The following ITGA6 variants were observed in gnomAD, a reference collection of about 807,000 sequenced individuals.
ITGA6 encodes the protein integrin subunit alpha 6, also known as integrin alpha-6.
In ITGA6, 63 loss-of-function variants were observed where a neutral mutation model predicts 133.6. The observed-to-expected ratio is 0.47, with a 90% CI of 0.38 to 0.58. ITGA6 has a LOEUF of 0.58. Ranked by LOEUF, ITGA6 falls within the 20% of genes least tolerant of loss-of-function variation. ITGA6 has a pLI of 0.00. For synonymous variants in ITGA6, 434 were observed against 482.0 expected, an observed-to-expected ratio of 0.90 and a Z score of 1.30; for missense variants, 1,068 against 1,309.4, an observed-to-expected ratio of 0.82 and a Z score of 2.85.
chr2:172,471,861 T>TA (rs1394846451), intron 5 of ITGA6, among the ~76,000 whole-genome samples: 12 of 127,130 alleles, frequency 9.4e-5, no homozygotes, highest in South Asian at 7.5e-4. Context: ...GGAAAAAATG[T>TA]AAAAAAAAGT....
At chr2:172,445,683 A>G (rs1478339625) in intron 1 of ITGA6, among the ~76,000 whole-genome samples, 1 of 150,480 alleles carries the variant, frequency 6.6e-6, no homozygotes, top group Non-Finnish European at 1.5e-5. Context: ...AAAAAGCCTG[A>G]AAGACCTCTT....
chr2:172,466,823 C>T (rs1685696371), intron 2 of ITGA6, among the ~76,000 whole-genome samples: 1 of 152,120 alleles, frequency 6.6e-6, no homozygotes, highest in Non-Finnish European at 1.5e-5. Flanking sequence ...AAACCTGTGT[C>T]TGTATTGCTA....
intron 1 of ITGA6, among the ~76,000 whole-genome samples, chr2:172,441,563 A>AT: frequency 2.0e-5 from 1 of 50,512 alleles, no homozygotes; most frequent in Non-Finnish European, 3.2e-5. Context: ...TCTCTTTAAA[A>AT]AAAAAAAAAA....
Position 172,474,355 on chromosome 2 carries a change from C to T in ITGA6, c.986+90C>T, listed in dbSNP as rs543076376. 12 of 1,139,674 alleles carry T rather than the reference C, an allele frequency of 1.1e-5. No individual in the cohort carries two copies. The African/African-American group carries it at 1.2e-4, about 12-fold the overall frequency. 70.6% of individuals were successfully genotyped at this position (1,139,674 alleles called of 1,614,324 possible). On this transcript the variant is annotated intron_variant, in intron 6 of 25. Transcript: ENST00000684293. ...TGGAGAAGAGCCGTCCTTTCAGGTT[C>T]ATTGACGTAAAGAATATTTTTATTG...
At chr2:172,494,018 GA>G (rs1211942373) in intron 23 of ITGA6, among the ~76,000 whole-genome samples, 1 of 152,132 alleles carries the variant, frequency 6.6e-6, no homozygotes, top group Non-Finnish European at 1.5e-5. Flanking sequence ...CATGTCTTTT[GA>G]AAATTGAGAC....
At position 172,506,265 on chromosome 2, in the gene ITGA6, C is replaced by CTATT. The variant is rs1231730676; in HGVS notation, c.*2199_*2202dup. ...AATTATAAATGACAACCTGAATTAT[C>CTATT]TATTTCATCAAACCAAAGTTCAGTG... On this transcript the variant is annotated 3_prime_UTR_variant, in exon 26 of 26. Coordinates refer to ENST00000684293, the MANE Select transcript of ITGA6 (RefSeq NM_000210.4). 2 of 152,616 alleles carry CTATT rather than the reference C, an allele frequency of 1.3e-5. No homozygotes were observed. The highest frequency in any genetic ancestry group is 1.9e-4 in the East Asian group (1 of 5,204). 9.5% of individuals were successfully genotyped at this position (152,616 alleles called of 1,614,324 possible). A position where few individuals can be genotyped will look rare whatever the true frequency, so the allele number is the denominator to read the frequency against.
rs1180990647 is a variant in ITGA6, at chr2:172,471,094, A to T, written c.764A>T (p.Asn255Ile). ...HDESLVPVPA[N>I]SYLGFSLDSG... ...GAAAGTCTCGTTCCTGTTCCTGCTA[A>T]CAGTTACTTAGGTAGGAGCAGGCAC... Residue 255 changes from asparagine to isoleucine, a missense_variant, in exon 5 of 26, where the codon AAC becomes ATC. This residue lies in a region of ITGA6 where 317 missense variants were observed against 456.9 expected (regional missense o/e 0.69). Coordinates refer to ENST00000684293, the MANE Select transcript of ITGA6 (RefSeq NM_000210.4). 1 of 1,614,214 alleles carries T rather than the reference A, an allele frequency of 6.2e-7. No homozygotes were observed. The highest frequency in any genetic ancestry group is 1.1e-5 in the South Asian group (1 of 91,086).
chr2:172,470,933 A>G lies in ITGA6; in HGVS notation c.644-41A>G, dbSNP rs1329212381. The G allele has an allele frequency of 1.2e-5, 20 of 1,605,582 alleles. No individual in the cohort carries two copies. In the African/African-American group the frequency reaches 1.7e-4, roughly 14 times the overall value. ...GGAACCATTTATTTTCTTTTGTTTC[A>G]TCTTCATTTTTTTGTTGTTTTTACC... On this transcript the variant is annotated intron_variant, in intron 4 of 25. Coordinates refer to ENST00000684293, the MANE Select transcript of ITGA6 (RefSeq NM_000210.4).
chr2:172,455,370 G>A (rs531094603), intron 1 of ITGA6, among the ~76,000 whole-genome samples: 17 of 152,254 alleles, frequency 1.1e-4, no homozygotes, highest in Non-Finnish European at 2.2e-4. Flanking sequence ...GGCCTGCCAC[G>A]TGCCAGACCT....
intron 1 of ITGA6, among the ~76,000 whole-genome samples, chr2:172,429,233 G>A (rs542698960): frequency 3.3e-5 from 5 of 152,064 alleles, no homozygotes; most frequent in Non-Finnish European, 7.4e-5. Flanking sequence ...GCTGGGGGTG[G>A]GGAGGCTCTA....
chr2:172,439,343 A>C (rs115211921), intron 1 of ITGA6, among the ~76,000 whole-genome samples: 1 of 151,904 alleles, frequency 6.6e-6, no homozygotes, highest in East Asian at 1.9e-4. Context: ...ATGAGGCTCA[A>C]TCAGCACTTT....
intron 1 of ITGA6, among the ~76,000 whole-genome samples, chr2:172,432,629 C>T (rs972040570): frequency 1.3e-5 from 2 of 152,186 alleles, no homozygotes; most frequent in Non-Finnish European, 2.9e-5. Context: ...ACGCACAAGA[C>T]GTTAATTCTT....
chr2:172,474,629 A>G (rs61146850), intron 6 of ITGA6, among the ~76,000 whole-genome samples: 3 of 152,354 alleles, frequency 2.0e-5, no homozygotes, highest in South Asian at 2.1e-4. Flanking sequence ...GTGATAAAGT[A>G]AAAAACAGAT....
In ITGA6 at chr2:172,475,648, A is replaced by G. The variant is rs1224502009; in HGVS notation, c.1232A>G (p.His411Arg). 3 of 1,607,630 alleles carry G rather than the reference A, an allele frequency of 1.9e-6. No individual in the cohort carries two copies. The South Asian group carries it at 3.3e-5, about 18-fold the overall frequency. The change falls in exon 8 of 26, where the codon CAT becomes CGT. Residue 411 changes from histidine (H) to arginine (R), a missense_variant. Around this residue, in one of 3 missense-constraint regions of ITGA6, gnomAD observed 317 missense variants for 456.9 expected, o/e 0.69. Coordinates refer to ENST00000684293, the MANE Select transcript of ITGA6 (RefSeq NM_000210.4). ...YDDLGKVFIYHGSANGINTKP... is the reference protein window; with the variant it reads ...YDDLGKVFIYRGSANGINTKP... ...GACTTGGGAAAGGTTTTTATCTATC[A>G]TGGATCTGCAAATGGAATAAATACC... is the stretch of plus-strand genomic sequence containing the variant.
At chr2:172,433,233 C>G (rs942502029) in intron 1 of ITGA6, among the ~76,000 whole-genome samples, 3 of 152,200 alleles carry the variant, frequency 2.0e-5, no homozygotes, top group Non-Finnish European at 4.4e-5. Flanking sequence ...TGAAACCTGG[C>G]TGGTCTTCAG....
intron 1 of ITGA6, among the ~76,000 whole-genome samples, chr2:172,461,009 T>C (rs76324630): frequency 0.021 from 3,214 of 152,340 alleles, 106 homozygotes; most frequent in African/African-American, 0.073. Context: ...TTGAAGTATT[T>C]ATGCAAAAGT....
At chr2:172,443,537 G>T (rs1684627975) in intron 1 of ITGA6, among the ~76,000 whole-genome samples, 1 of 152,150 alleles carries the variant, frequency 6.6e-6, no homozygotes, top group African/African-American at 2.4e-5. Flanking sequence ...CTAACCATCT[G>T]ATAGGACCAC....
At chr2:172,445,663 A>G (rs546167630) in intron 1 of ITGA6, among the ~76,000 whole-genome samples, 2,488 of 151,580 alleles carry the variant, frequency 0.016, 73 homozygotes, top group African/African-American at 0.056. Context: ...AAAAAAAAAA[A>G]AAAGAAAAAA....
intron 1 of ITGA6, among the ~76,000 whole-genome samples, chr2:172,459,629 T>C (rs35861954): frequency 0.22 from 33,847 of 152,200 alleles, 4,013 homozygotes; most frequent in East Asian, 0.29. Context: ...ACCTGGAGTT[T>C]TACACCCAAA....
Sources: allele counts gnomAD v4.1 joint callset (sites outside exome capture counted in the v4.1 genomes callset), GRCh38; gene constraint gnomAD v4.1.1; regional missense constraint gnomAD v4.1.1; transcripts MANE v1.5; gene names NCBI Gene and HGNC (gene_info 2026-07-23, HGNC 2026-07-21).